CEP164: variants seen among roughly 807,000 people sequenced by gnomAD.
CEP164 encodes centrosomal protein 164.
Under a neutral mutation model 182.7 loss-of-function variants are expected in CEP164, and 162 were observed. The observed-to-expected ratio is 0.89, with a 90% CI of 0.78 to 1.01. CEP164 has a LOEUF of 1.01. Among genes scored for constraint, CEP164 ranks in the 50% least tolerant of loss-of-function variants. The pLI is 0.00. For synonymous variants in CEP164, 661 were observed against 690.0 expected (o/e 0.96, Z 0.66); for missense variants, 1,735 against 1,790.4 (o/e 0.97, Z 0.56).
At position 117,381,871 on chromosome 11, in the gene CEP164, A is replaced by AAGGATGAGGGGAAGCATCCTCATG; in HGVS notation, c.1577+14_1577+37dup. 1 of 1,492,062 alleles carries AAGGATGAGGGGAAGCATCCTCATG rather than the reference A, an allele frequency of 6.7e-7. No individual in the cohort carries two copies. The highest frequency in any genetic ancestry group is 8.9e-7 in the Non-Finnish European group (1 of 1,119,402). 92.4% of individuals were successfully genotyped at this position (1,492,062 alleles called of 1,614,324 possible). A position where few individuals can be genotyped will look rare whatever the true frequency, so the allele number is the denominator to read the frequency against. On this transcript the variant is annotated splice_donor_region_variant and intron_variant, in intron 13 of 32. Transcript: ENST00000278935. ...AGCCTGCAGCTGTCCCTCCAGAGGT[A>AAGGATGAGGGGAAGCATCCTCATG]AGGATGAGGGGAAGCATCCTCATGA... is the stretch of plus-strand genomic sequence containing the variant.
intron 27 of CEP164, among the ~76,000 whole-genome samples, chr11:117,397,919 C>T (rs2045686545): frequency 6.6e-6 from 1 of 152,154 alleles, no homozygotes; most frequent in African/African-American, 2.4e-5. Context: ...ATTTCAAAAC[C>T]AATCATGCCT....
At chr11:117,408,358 C>A (rs1002215286) in intron 28 of CEP164, among the ~76,000 whole-genome samples, 2 of 152,204 alleles carry the variant, frequency 1.3e-5, no homozygotes, top group Admixed American at 1.3e-4. Flanking sequence ...AATGGACACA[C>A]ATGATAGATT....
At chr11:117,337,082 TTC>T (rs1386582205) in intron 2 of CEP164, among the ~76,000 whole-genome samples, 2 of 152,224 alleles carry the variant, frequency 1.3e-5, no homozygotes, top group Middle Eastern at 3.4e-3. Context: ...CAAGCTGGAC[TTC>T]TGTCTTCGCT....
In CEP164 at chr11:117,338,943, G is replaced by A. The variant is rs576275810; in HGVS notation, c.82+275G>A. On this transcript the variant is annotated intron_variant, in intron 3 of 32. Transcript: ENST00000278935. Reference sequence around the variant, plus strand: ...AGTGATTCTCCCACCTCAGCCTCCCGAGAAGCTGGGATTACAGGCGTGCAC... The same window carrying A: ...AGTGATTCTCCCACCTCAGCCTCCCAAGAAGCTGGGATTACAGGCGTGCAC... 1.6e-4 allele frequency among the ~76,000 whole-genome samples: 24 copies of A among 152,004 alleles called. No homozygotes were observed. In the South Asian group the frequency reaches 1.7e-3, roughly 11 times the overall value.
rs375787498 is a variant in CEP164, at chr11:117,375,695, C to T, written c.1234-13C>T. 1 of 1,613,570 alleles carries T rather than the reference C, an allele frequency of 6.2e-7. No individual in the cohort carries two copies. Among genetic ancestry groups the T allele is most frequent in the Non-Finnish European group, 8.5e-7 (1 of 1,179,660 alleles). ...AGAGGCAGAGTTGACCTTTGCATCT[C>T]CACTGTCTCCAGGACTTCGGTTTTC... is the stretch of plus-strand genomic sequence containing the variant. On this transcript the variant is annotated splice_polypyrimidine_tract_variant and intron_variant, in intron 10 of 32. Transcript: ENST00000278935.
At chr11:117,360,066 C>T (rs1275571040) in intron 5 of CEP164, among the ~76,000 whole-genome samples, 1 of 152,222 alleles carries the variant, frequency 6.6e-6, no homozygotes, top group Non-Finnish European at 1.5e-5. Context: ...CTTTCAGCCA[C>T]CTTCCTCATC....
In CEP164 at chr11:117,407,906, G is replaced by C; in HGVS notation, c.3502-19G>C. On this transcript the variant is annotated intron_variant, in intron 27 of 32. Coordinates refer to ENST00000278935, the MANE Select transcript of CEP164 (RefSeq NM_014956.5). ...CTGTGTGGGTAGTCATTTCTCCTCTGTTTTCTCCTTGGCTGCAGGAGACCA... is the reference window on the plus strand; with the variant it reads ...CTGTGTGGGTAGTCATTTCTCCTCTCTTTTCTCCTTGGCTGCAGGAGACCA... 6.4e-7 allele frequency: 1 copy of C among 1,563,144 alleles called. No individual in the cohort carries two copies. The highest frequency in any genetic ancestry group is 8.7e-7 in the Non-Finnish European group (1 of 1,151,542).
intron 28 of CEP164, 86 bp downstream of exon 28, chr11:117,408,118 C>G: frequency 9.7e-7 from 1 of 1,032,982 alleles, no homozygotes; most frequent in African/African-American, 1.6e-5. Flanking sequence ...GGTCCTGCAT[C>G]CGGGGGAGTT....
rs1370884496 is a variant in CEP164 at position 117,392,221 on chromosome 11, C to T, written c.2284-5C>T. On this transcript the variant is annotated splice_polypyrimidine_tract_variant and splice_region_variant and intron_variant, in intron 17 of 32. Transcript: ENST00000278935. ...TTCACTCACAGTCCCTTTGCTCCTC[C>T]CCAGGCTGTGGCAACGCTGGAGAAG... 1 of 1,594,382 alleles carries T rather than the reference C, an allele frequency of 6.3e-7. No homozygotes were observed. Among genetic ancestry groups the T allele is most frequent in the Non-Finnish European group, 8.6e-7 (1 of 1,168,954 alleles).
chr11:117,332,693 C>G lies in CEP164; in HGVS notation c.-97-2912C>G, dbSNP rs2036413092. Among the ~76,000 whole-genome samples the G allele has an allele frequency of 2.6e-5, 4 of 152,194 alleles. No individual in the cohort carries two copies. In the South Asian group the frequency reaches 8.3e-4, roughly 32 times the overall value. ...GGTTGACAGGAGAGGATAAAATTGG[C>G]TGGGAAGGCTTCCTGGAGGAAACGT... On this transcript the variant is annotated intron_variant, in intron 1 of 32. Transcript: ENST00000278935.
At chr11:117,349,823 C>G (rs545057312) in intron 4 of CEP164, among the ~76,000 whole-genome samples, 68 of 152,280 alleles carry the variant, frequency 4.5e-4, no homozygotes, top group African/African-American at 1.4e-3. Flanking sequence ...CTACCAGGCT[C>G]AAGGTCAATG....
chr11:117,346,736 C>T (rs751524435), intron 4 of CEP164, among the ~76,000 whole-genome samples: 1 of 151,998 alleles, frequency 6.6e-6, no homozygotes, highest in Non-Finnish European at 1.5e-5. Flanking sequence ...TGATGACATG[C>T]ACCTTTAGTC....
intron 5 of CEP164, among the ~76,000 whole-genome samples, chr11:117,354,126 C>T (rs1418490053): frequency 2.0e-5 from 3 of 151,884 alleles, no homozygotes; most frequent in Non-Finnish European, 2.9e-5. Context: ...AAGCAATTCT[C>T]GTCCCTCAGC....
chr11:117,324,440 C>CAA (rs376068330), upstream of CEP164, among the ~76,000 whole-genome samples: 372 of 125,244 alleles, frequency 3.0e-3, 2 homozygotes, highest in African/African-American at 3.9e-3. Flanking sequence ...AACTCCCTCT[C>CAA]AAAAAAAAAA....
chr11:117,406,868 G>T (rs1305088297), intron 27 of CEP164, among the ~76,000 whole-genome samples: 2 of 152,100 alleles, frequency 1.3e-5, no homozygotes, highest in Admixed American at 6.5e-5. Context: ...GGCCGGGGCG[G>T]GTGGATCACG....
chr11:117,336,367 G>C (rs2037117430), intron 2 of CEP164: 1 of 1,413,820 alleles, frequency 7.1e-7, no homozygotes, highest in Non-Finnish European at 1.0e-6. Context: ...ATTCACAGGA[G>C]GGATTCCAGG....
chr11:117,369,116 T>C (rs1245197752), intron 8 of CEP164, among the ~76,000 whole-genome samples: 1 of 152,236 alleles, frequency 6.6e-6, no homozygotes, highest in Non-Finnish European at 1.5e-5. Flanking sequence ...TTGGCCATAT[T>C]TGGATTCCCA....
chr11:117,327,482 A>G (rs905937460), upstream of CEP164, among the ~76,000 whole-genome samples: 2 of 67,362 alleles, frequency 3.0e-5, no homozygotes, highest in Non-Finnish European at 5.6e-5. Flanking sequence ...TTTTTTTTTT[A>G]GTAGAGAAGG....
At chr11:117,379,367 C>T (rs536712974) in intron 11 of CEP164, among the ~76,000 whole-genome samples, 3 of 152,296 alleles carry the variant, frequency 2.0e-5, no homozygotes, top group African/African-American at 7.2e-5. Context: ...GCTGTGGGCA[C>T]AGGGCTGGGG....
Sources: allele counts gnomAD v4.1 joint callset (sites outside exome capture counted in the v4.1 genomes callset), GRCh38; gene constraint gnomAD v4.1.1; transcripts MANE v1.5; gene names NCBI Gene and HGNC (gene_info 2026-07-23, HGNC 2026-07-21).